Variants in ACTN1 observed in about 807,000 individuals in gnomAD.
The protein encoded by ACTN1 is alpha-actinin-1.
Under a neutral mutation model 119.6 loss-of-function variants are expected in ACTN1, and 30 were observed. That is an observed-to-expected ratio of 0.25 (90% CI 0.19 to 0.34). The LOEUF is 0.34. Ranked by LOEUF, ACTN1 falls within the 10% of genes least tolerant of loss-of-function variation. The pLI, the probability that ACTN1 is intolerant of heterozygous loss-of-function variation, is 1.00. For missense variants in ACTN1, 764 were observed against 1,223.4 expected (o/e 0.62, Z 5.60); for synonymous variants, 429 against 472.6 (o/e 0.91, Z 1.20).
chr14:68,900,433 C>T (rs1708199830), intron 8 of ACTN1, among the ~76,000 whole-genome samples: 1 of 151,946 alleles, frequency 6.6e-6, no homozygotes, highest in African/African-American at 2.4e-5. Context: ...AGGAAGAGTT[C>T]TCCCTGCTCT....
At chr14:68,934,897 A>G (rs982653202) in intron 1 of ACTN1, among the ~76,000 whole-genome samples, 2 of 152,270 alleles carry the variant, frequency 1.3e-5, no homozygotes, top group African/African-American at 4.8e-5. Context: ...AATCACACAA[A>G]CATGAAAAAA....
rs139909629 is a variant in ACTN1, at chr14:68,969,740, G to C, written c.105+9212C>G. Among the ~76,000 whole-genome samples the C allele has an allele frequency of 1.9e-4, 29 of 152,356 alleles. 1 individual carries two copies. Among genetic ancestry groups the C allele is most frequent in the Admixed American group, 9.8e-4 (15 of 15,304 alleles). On this transcript the variant is annotated intron_variant, in intron 1 of 21. Transcript: ENST00000394419. ...ATTGGGGGTGTCGAGACTTGACTCAGAAGAATTAAAAGCTCCACTTCTCTA... is the reference window on the plus strand; with the variant it reads ...ATTGGGGGTGTCGAGACTTGACTCACAAGAATTAAAAGCTCCACTTCTCTA...
At chr14:68,930,552 A>C (rs555657970) in intron 1 of ACTN1, among the ~76,000 whole-genome samples, 1 of 152,198 alleles carries the variant, frequency 6.6e-6, no homozygotes, top group East Asian at 1.9e-4. Flanking sequence ...AAATCACAAG[A>C]CCCTAAAGCA....
chr14:68,920,859 C>T, intron 3 of ACTN1, 147 bp downstream of exon 3: 1 of 1,145,870 alleles, frequency 8.7e-7, no homozygotes, highest in Non-Finnish European at 1.2e-6. Context: ...ACAAAGCCTC[C>T]ACAGGCGACC....
chr14:68,964,080 A>G (rs1181312388), intron 1 of ACTN1, among the ~76,000 whole-genome samples: 1 of 152,150 alleles, frequency 6.6e-6, no homozygotes, highest in African/African-American at 2.4e-5. Context: ...CATTTGTAAC[A>G]TAAAGGTTAT....
Position 68,879,009 on chromosome 14 carries a change from C to G in ACTN1, c.2341G>C (p.Asp781His). The G allele has an allele frequency of 6.2e-7, 1 of 1,613,326 alleles. No homozygotes were observed. The highest frequency in any genetic ancestry group is 8.5e-7 in the Non-Finnish European group (1 of 1,179,852). ...AGTACCTGGGGGTCGTTGCCAATAT[C>G]ATAACCCAAGCTGATGAGGCAGGCT... ...FKACLISLGY[D>H]IGNDPQKKTG... The change falls in exon 19 of 22, where the codon GAT (aspartate) becomes CAT (histidine). Residue 781 changes from aspartate (D) to histidine (H), a missense_variant. By Grantham distance (81) the Asp-to-His change is moderately conservative. Around this residue, in one of 4 missense-constraint regions of ACTN1, gnomAD observed 544 missense variants for 912.0 expected, o/e 0.60. Transcript: ENST00000394419. This position sits in a 1 kb window ranked among gnomAD's most constrained non-coding sequence, Gnocchi z 4.9.
At position 68,881,935 on chromosome 14, in the gene ACTN1, T is replaced by TC. The variant is rs1566592346; in HGVS notation, c.1953+522dup. On this transcript the variant is annotated intron_variant, in intron 16 of 21. Transcript: ENST00000394419. ...TAGTATGGGACTTTCATAGGCAGCTTCTTTTTTTTTTTTTTTTTTTGACAG... is the reference window on the plus strand; with the variant it reads ...TAGTATGGGACTTTCATAGGCAGCTTCCTTTTTTTTTTTTTTTTTTTGACAG... Among the ~76,000 whole-genome samples, 348 of 100,104 alleles carry TC rather than the reference T, an allele frequency of 3.5e-3. 6 individuals are homozygous for TC. Among genetic ancestry groups the TC allele is most frequent in the African/African-American group, 0.02 (325 of 15,922 alleles). The allele number at this position is 100,104 out of a possible 152,430, so 65.7% of individuals were successfully genotyped here.
At position 68,879,102 on chromosome 14, in the gene ACTN1, G is replaced by T; in HGVS notation, c.2281-33C>A. 3 of 1,578,344 alleles carry T rather than the reference G, an allele frequency of 1.9e-6. No individual in the cohort carries two copies. Among genetic ancestry groups the T allele is most frequent in the Non-Finnish European group, 2.6e-6 (3 of 1,160,932 alleles). On this transcript the variant is annotated intron_variant, in intron 18 of 21. Transcript: ENST00000394419. This position sits in a 1 kb window ranked among gnomAD's most constrained non-coding sequence, Gnocchi z 4.9. The stretch of plus-strand genomic sequence containing the variant: ...CGCGGTGCGCCAGGCAGCGAGCCAT[G>T]CGGTGTCAGGGAGGTGGAGCCGTGA...
At chr14:68,972,346 G>A (rs1004551027) in intron 1 of ACTN1, among the ~76,000 whole-genome samples, 6 of 152,174 alleles carry the variant, frequency 3.9e-5, no homozygotes, top group Non-Finnish European at 1.5e-5. Flanking sequence ...GGGCATGACA[G>A]AGAAGGGGAC....
At chr14:68,972,890 T>C (rs934013940) in intron 1 of ACTN1, among the ~76,000 whole-genome samples, 8 of 152,142 alleles carry the variant, frequency 5.3e-5, no homozygotes, top group African/African-American at 1.9e-4. Flanking sequence ...CTTAGGACAA[T>C]TGCTGATAAT....
rs368470711 is a variant in ACTN1, at chr14:68,909,744, A to G, written c.515+211T>C. ...AGTAGCAAAAGCATCAACCAAAGTT[A>G]TATCAGGCAGCAGCCCCATCTAAGA... On this transcript the variant is annotated intron_variant, in intron 5 of 21. Coordinates refer to ENST00000394419, the MANE Select transcript of ACTN1 (RefSeq NM_001130004.2). This position sits in a 1 kb window ranked among gnomAD's most constrained non-coding sequence, Gnocchi z 4.1. Among the ~76,000 whole-genome samples the G allele has an allele frequency of 1.3e-5, 2 of 152,202 alleles. No homozygotes were observed. The highest frequency in any genetic ancestry group is 2.4e-5 in the African/African-American group (1 of 41,442).
chr14:68,916,010 C>T (rs2034272562), intron 3 of ACTN1, among the ~76,000 whole-genome samples: 1 of 151,938 alleles, frequency 6.6e-6, no homozygotes, highest in Admixed American at 6.6e-5. Flanking sequence ...CGAGACTCAT[C>T]TCAAAAAAAC....
chr14:68,882,809 A>C lies in ACTN1; in HGVS notation c.1818+64T>G, dbSNP rs1212320920. On this transcript the variant is annotated intron_variant, in intron 15 of 21. Coordinates refer to ENST00000394419, the MANE Select transcript of ACTN1 (RefSeq NM_001130004.2). The surrounding 1 kb of genome is among the most constrained non-coding windows in gnomAD (Gnocchi z 4.5). ...AAATGAAATTGACAAAAATCAATTAAAATGGACAAAAATCCCTGCCTTTAT... is the reference window on the plus strand; with the variant it reads ...AAATGAAATTGACAAAAATCAATTACAATGGACAAAAATCCCTGCCTTTAT... 5 of 1,579,012 alleles carry C rather than the reference A, an allele frequency of 3.2e-6. No individual in the cohort carries two copies. The African/African-American group carries it at 4.1e-5, about 13-fold the overall frequency.
At chr14:68,901,540 C>G (rs2033333355) in intron 8 of ACTN1, among the ~76,000 whole-genome samples, 1 of 152,110 alleles carries the variant, frequency 6.6e-6, no homozygotes, top group Non-Finnish European at 1.5e-5. Context: ...GAGCCACCAG[C>G]CCGGCCTCAT....
At chr14:68,907,734 T>C (rs1223136222) in intron 6 of ACTN1, among the ~76,000 whole-genome samples, 1 of 152,184 alleles carries the variant, frequency 6.6e-6, no homozygotes, top group African/African-American at 2.4e-5. Context: ...AAATGGCTGA[T>C]GCTTCCAAAT....
At chr14:68,963,940 T>C (rs758951240) in intron 1 of ACTN1, among the ~76,000 whole-genome samples, 65 of 152,328 alleles carry the variant, frequency 4.3e-4, no homozygotes, top group Middle Eastern at 3.4e-3. Flanking sequence ...ATTCATTCAT[T>C]TATTCATGCA....
chr14:68,979,096 C>A lies in ACTN1; in HGVS notation c.-40G>T. 1 of 1,392,574 alleles carries A rather than the reference C, an allele frequency of 7.2e-7. No individual in the cohort carries two copies. Among genetic ancestry groups the A allele is most frequent in the Non-Finnish European group, 9.9e-7 (1 of 1,008,828 alleles). 86.3% of individuals were successfully genotyped at this position (1,392,574 alleles called of 1,614,324 possible). On this transcript the variant is annotated 5_prime_UTR_variant, in exon 1 of 22. Transcript: ENST00000394419. ...GCTAGGGTCTGGATTTCTTCCTCCA[C>A]CTTCTCTCTGAGCAACGGCTGCTGC...
chr14:68,973,548 T>G (rs1440182320), intron 1 of ACTN1, among the ~76,000 whole-genome samples: 1 of 152,232 alleles, frequency 6.6e-6, no homozygotes, highest in African/African-American at 2.4e-5. Context: ...TAAACTTCTT[T>G]GCTTCATAAA....
chr14:68,969,424 A>T (rs2036807833), intron 1 of ACTN1, among the ~76,000 whole-genome samples: 1 of 152,242 alleles, frequency 6.6e-6, no homozygotes, highest in Non-Finnish European at 1.5e-5. Flanking sequence ...AAGTCTGGAA[A>T]AGCACTTTGG....
Sources: gnomAD v4.1 joint callset for allele counts (sites outside exome capture counted in the v4.1 genomes callset) on GRCh38, gnomAD v4.1.1 for gene constraint, gnomAD v4.1.1 regional missense constraint, Gnocchi (gnomAD v3.1) non-coding constraint, MANE v1.5 for transcripts, NCBI Gene and HGNC (gene_info 2026-07-23, HGNC 2026-07-21) for gene names.